ROBO2: variants seen among roughly 807,000 people sequenced by gnomAD.
The protein encoded by ROBO2 is roundabout guidance receptor 2, also known as roundabout homolog 2.
In ROBO2, 53 loss-of-function variants were observed where a neutral mutation model predicts 160.8. The ratio of observed to expected loss-of-function variants is 0.33; its 90% CI spans 0.26 to 0.41. The LOEUF is 0.41. Ranked by LOEUF, ROBO2 falls within the 10% of genes least tolerant of loss-of-function variation. ROBO2 has a pLI of 1.00. For missense variants in ROBO2, 1,577 were observed against 1,722.4 expected, an observed-to-expected ratio of 0.92 and a Z score of 1.49; for synonymous variants, 664 against 611.7, an observed-to-expected ratio of 1.09 and a Z score of -1.26.
chr3:76,498,299 G>A (rs373065432), intron 2 of ROBO2, among the ~76,000 whole-genome samples: 8 of 152,100 alleles, frequency 5.3e-5, no homozygotes, highest in African/African-American at 9.7e-5. Context: ...TGCTGGGGGC[G>A]CAGTAGGGTG....
At position 75,987,382 on chromosome 3, in the gene ROBO2, T is replaced by C. The variant is rs114467773; in HGVS notation, c.109+49780T>C. 5.4e-3 allele frequency among the ~76,000 whole-genome samples: 825 copies of C among 152,060 alleles called. 11 individuals are homozygous for C. Among genetic ancestry groups the C allele is most frequent in the African/African-American group, 0.019 (800 of 41,556 alleles). On this transcript the variant is annotated intron_variant, in intron 2 of 26. Coordinates refer to the ROBO2 transcript ENST00000487694. ...AGTAAAAATGAAACTAATGTTTACG[T>C]GTTGCTTTTGTATCCTACTGCTTTC...
intron 2 of ROBO2, among the ~76,000 whole-genome samples, chr3:76,709,637 G>C (rs979116430): frequency 4.6e-5 from 7 of 152,082 alleles, no homozygotes; most frequent in African/African-American, 1.7e-4. Context: ...GGAACTTCAG[G>C]GGCTGGACAG....
At chr3:76,231,221 A>G (rs577948675) in intron 2 of ROBO2, among the ~76,000 whole-genome samples, 15 of 152,306 alleles carry the variant, frequency 9.8e-5, no homozygotes, top group African/African-American at 3.4e-4. Context: ...CAAGTTTCTC[A>G]GCGTAATACA....
chr3:77,618,842 C>T (rs139667270), intron 22 of ROBO2, among the ~76,000 whole-genome samples: 106 of 152,194 alleles, frequency 7.0e-4, no homozygotes, highest in African/African-American at 2.5e-3. Context: ...GACAACTTAC[C>T]GTTAAACGCT....
intron 17 of ROBO2, among the ~76,000 whole-genome samples, chr3:77,593,857 A>G (rs2094238085): frequency 6.6e-6 from 1 of 152,202 alleles, no homozygotes; most frequent in South Asian, 2.1e-4. Context: ...AGTATGAATC[A>G]ACTAATTAAA....
chr3:76,868,159 A>G (rs1231471993), intron 2 of ROBO2, among the ~76,000 whole-genome samples: 2 of 152,196 alleles, frequency 1.3e-5, no homozygotes, highest in Non-Finnish European at 2.9e-5. Flanking sequence ...TTTGTAAGTT[A>G]CGATTTGTTT....
At chr3:76,130,668 C>T (rs546873486) in intron 2 of ROBO2, among the ~76,000 whole-genome samples, 1 of 151,954 alleles carries the variant, frequency 6.6e-6, no homozygotes, top group South Asian at 2.1e-4. Context: ...ATAGCCATTC[C>T]TAATAAGAAA....
At chr3:77,192,977 C>T (rs1417447250) in intron 2 of ROBO2, among the ~76,000 whole-genome samples, 7 of 151,910 alleles carry the variant, frequency 4.6e-5, no homozygotes, top group South Asian at 2.1e-4. Flanking sequence ...TTAATATATA[C>T]TGTGCTTTAC....
At chr3:76,503,320 T>C (rs1426380080) in intron 2 of ROBO2, among the ~76,000 whole-genome samples, 1 of 152,090 alleles carries the variant, frequency 6.6e-6, no homozygotes, top group East Asian at 1.9e-4. Flanking sequence ...CCCAGCCCAC[T>C]GACTCAAATG....
intron 2 of ROBO2, among the ~76,000 whole-genome samples, chr3:77,130,219 C>CT (rs2075726384): frequency 6.6e-6 from 1 of 152,108 alleles, no homozygotes. Flanking sequence ...CACTCCTCAT[C>CT]TTCAAGCCTC....
chr3:76,861,429 A>AT (rs1041630180), intron 2 of ROBO2, among the ~76,000 whole-genome samples: 11 of 152,066 alleles, frequency 7.2e-5, no homozygotes, highest in African/African-American at 2.4e-4. Flanking sequence ...TAATGCTACT[A>AT]TTTTTGCTGC....
In ROBO2 at chr3:77,219,333, CCTT is replaced by C. The variant is rs1455403516; in HGVS notation, c.388+120997_388+120999del. ...TCCTTTTCATCCATCTAGTAGTTCT[CCTT>C]CTTTTGCAATTTGGTTAAATGATTA... is the stretch of plus-strand genomic sequence containing the variant. On this transcript the variant is annotated intron_variant, in intron 2 of 25. Transcript: ENST00000461745. Among the ~76,000 whole-genome samples the C allele has an allele frequency of 4.6e-5, 7 of 150,712 alleles. No homozygotes were observed. The South Asian group carries it at 1.3e-3, about 27-fold the overall frequency.
intron 2 of ROBO2, among the ~76,000 whole-genome samples, chr3:76,303,291 T>C (rs2071165436): frequency 6.6e-6 from 1 of 152,144 alleles, no homozygotes; most frequent in Non-Finnish European, 1.5e-5. Context: ...GAAACTAATT[T>C]TTCGTATGAA....
chr3:77,265,564 C>T (rs1049436836), intron 2 of ROBO2, among the ~76,000 whole-genome samples: 3 of 152,094 alleles, frequency 2.0e-5, no homozygotes, highest in Admixed American at 6.6e-5. Flanking sequence ...CTAAGTCATG[C>T]TCCTTGAGAC....
chr3:76,489,641 GTTCAA>G lies in ROBO2; in HGVS notation c.109+552040_109+552044del, dbSNP rs1421044613. Among the ~76,000 whole-genome samples the G allele has an allele frequency of 3.9e-5, 6 of 152,092 alleles. No homozygotes were observed. In the East Asian group the frequency reaches 1.2e-3, roughly 29 times the overall value. On this transcript the variant is annotated intron_variant, in intron 2 of 26. Transcript: ENST00000487694. ...TATAACTTCTCACATGGCCATTTGAGTTCAAAATTTTATTTGAGTTATTGTTACTT... is the reference window on the plus strand; with the variant it reads ...TATAACTTCTCACATGGCCATTTGAGAATTTTATTTGAGTTATTGTTACTT...
At chr3:76,808,953 G>A (rs2064954122) in intron 2 of ROBO2, among the ~76,000 whole-genome samples, 1 of 152,056 alleles carries the variant, frequency 6.6e-6, no homozygotes, top group Non-Finnish European at 1.5e-5. Flanking sequence ...ACTCCAGGTA[G>A]GATCTTGGCT....
chr3:76,677,334 G>C (rs1406136669), intron 2 of ROBO2, among the ~76,000 whole-genome samples: 22 of 152,140 alleles, frequency 1.4e-4, no homozygotes, highest in Admixed American at 1.4e-3. Context: ...ATCACACTTA[G>C]TCTAGGGCAG....
intron 2 of ROBO2, among the ~76,000 whole-genome samples, chr3:76,295,032 C>G (rs1214860595): frequency 2.0e-5 from 3 of 152,062 alleles, no homozygotes; most frequent in African/African-American, 7.2e-5. Flanking sequence ...TCATTTAGCA[C>G]ATGGGGAGAT....
At chr3:76,639,464 T>TCACA (rs34047566) in intron 2 of ROBO2, among the ~76,000 whole-genome samples, 5,853 of 149,178 alleles carry the variant, frequency 0.039, 355 homozygotes, top group African/African-American at 0.14. Context: ...CTACACTCTC[T>TCACA]CACACACACA....
Sources: allele counts gnomAD v4.1 joint callset (sites outside exome capture counted in the v4.1 genomes callset), GRCh38; gene constraint gnomAD v4.1.1; transcripts MANE v1.5; gene names NCBI Gene and HGNC (gene_info 2026-07-23, HGNC 2026-07-21).